The following TBC1D32 variants were observed in gnomAD, a reference collection of about 807,000 sequenced individuals.
TBC1D32 encodes the protein protein broad-minded.
In TBC1D32, 151 loss-of-function variants were observed where a neutral mutation model predicts 170.3. The observed-to-expected ratio is 0.89, with a 90% CI of 0.78 to 1.01. The LOEUF (loss-of-function observed/expected upper bound fraction) is 1.01. Among genes scored for constraint, TBC1D32 ranks in the 50% least tolerant of loss-of-function variants. TBC1D32 has a pLI of 0.00. For missense variants in TBC1D32, 1,464 were observed against 1,457.1 expected (o/e 1.00, Z -0.08); for synonymous variants, 498 against 488.0 (o/e 1.02, Z -0.27).
intron 24 of TBC1D32, among the ~76,000 whole-genome samples, chr6:121,157,558 G>A (rs528668958): frequency 6.6e-6 from 1 of 152,190 alleles, no homozygotes; most frequent in African/African-American, 2.4e-5. Flanking sequence ...GTTGGCAGTT[G>A]GTTGTTTTAT....
chr6:121,150,628 G>A (rs6569174), intron 24 of TBC1D32, among the ~76,000 whole-genome samples: 104,298 of 151,970 alleles, frequency 0.69, 41,066 homozygotes, highest in Non-Finnish European at 0.87. Flanking sequence ...GAATCCATCT[G>A]GTCCTGGGCT....
intron 24 of TBC1D32, among the ~76,000 whole-genome samples, chr6:121,155,391 T>A (rs1410721440): frequency 3.3e-5 from 5 of 152,128 alleles, no homozygotes; most frequent in Non-Finnish European, 5.9e-5. Context: ...ATTCCTAGGG[T>A]CCTTTTATTA....
chr6:121,089,412 AT>A (rs1410717822), intron 31 of TBC1D32, among the ~76,000 whole-genome samples: 5 of 152,166 alleles, frequency 3.3e-5, no homozygotes, highest in African/African-American at 1.2e-4. Flanking sequence ...GTACAGGAAA[AT>A]TTCAGACTCT....
At chr6:121,176,605 C>A (rs1052061936) in intron 22 of TBC1D32, among the ~76,000 whole-genome samples, 7 of 152,006 alleles carry the variant, frequency 4.6e-5, no homozygotes, top group Admixed American at 3.3e-4. Flanking sequence ...TGTTTTTCTC[C>A]CCCCACCCCC....
intron 24 of TBC1D32, among the ~76,000 whole-genome samples, chr6:121,147,445 A>C (rs2128230764): frequency 6.6e-6 from 1 of 152,084 alleles, no homozygotes; most frequent in Non-Finnish European, 1.5e-5. Flanking sequence ...AAAGTGTGTA[A>C]GTGTTCTCTT....
At chr6:121,257,352 G>A (rs930076734) in intron 15 of TBC1D32, among the ~76,000 whole-genome samples, 1 of 151,960 alleles carries the variant, frequency 6.6e-6, no homozygotes, top group South Asian at 2.1e-4. Context: ...AAGATCACTG[G>A]TCAGATGGTA....
chr6:121,289,437 C>T (rs568113911), intron 12 of TBC1D32, among the ~76,000 whole-genome samples: 2 of 152,304 alleles, frequency 1.3e-5, no homozygotes, highest in East Asian at 3.9e-4. Context: ...AGGAATCCAA[C>T]TTACGAGGGA....
intron 22 of TBC1D32, chr6:121,170,584 T>C: frequency 7.5e-7 from 1 of 1,335,646 alleles, no homozygotes; most frequent in Non-Finnish European, 9.8e-7. Flanking sequence ...AAAAGCATAA[T>C]TACATCCTTG....
At chr6:121,235,371 G>A (rs984219872) in intron 20 of TBC1D32, among the ~76,000 whole-genome samples, 1 of 152,158 alleles carries the variant, frequency 6.6e-6, no homozygotes, top group African/African-American at 2.4e-5. Context: ...CACCAGGAGG[G>A]GGCAGGGAGA....
intron 21 of TBC1D32, among the ~76,000 whole-genome samples, chr6:121,207,592 T>C (rs1583215794): frequency 6.6e-6 from 1 of 152,298 alleles, no homozygotes; most frequent in Non-Finnish European, 1.5e-5. Flanking sequence ...CTTCAGTTTC[T>C]AAACACCATA....
intron 24 of TBC1D32, among the ~76,000 whole-genome samples, chr6:121,143,780 C>T (rs1403133058): frequency 2.0e-5 from 3 of 151,954 alleles, no homozygotes; most frequent in Non-Finnish European, 4.4e-5. Flanking sequence ...CGGTATTTAA[C>T]CAGACACATA....
intron 22 of TBC1D32, among the ~76,000 whole-genome samples, chr6:121,189,518 T>G (rs1378350939): frequency 6.6e-6 from 1 of 151,400 alleles, no homozygotes; most frequent in Non-Finnish European, 1.5e-5. Context: ...ATATGTTATA[T>G]CTATATATTA....
rs1426430822 is a variant in TBC1D32 at position 121,112,538 on chromosome 6, A to G, written c.3291T>C (p.Ser1097=). The change falls in exon 29 of 32, where the codon TCT becomes TCC. Residue 1097 remains serine (S), a synonymous_variant. Transcript: ENST00000398212. ...GTAGCCTTGGCAACCAAAGAAAAGCAGAAGTCAGAAGCCTGGAGAATTGAT... is the reference window on the plus strand; with the variant it reads ...GTAGCCTTGGCAACCAAAGAAAAGCGGAAGTCAGAAGCCTGGAGAATTGAT... ...FLHQFSRLLT[S]AFLWLPRLHI... is the part of the protein sequence containing the mutation. The G allele has an allele frequency of 1.2e-6, 2 of 1,609,524 alleles. No homozygotes were observed. The highest frequency in any genetic ancestry group is 1.7e-6 in the Non-Finnish European group (2 of 1,177,328).
chr6:121,274,193 C>T (rs1455139902), intron 15 of TBC1D32, among the ~76,000 whole-genome samples: 4 of 151,826 alleles, frequency 2.6e-5, no homozygotes, highest in South Asian at 2.1e-4. Flanking sequence ...ATGAGCCAGG[C>T]GTGGTGGCAC....
intron 20 of TBC1D32, among the ~76,000 whole-genome samples, chr6:121,229,411 GT>G (rs1241125496): frequency 6.6e-6 from 1 of 152,000 alleles, no homozygotes; most frequent in Non-Finnish European, 1.5e-5. Flanking sequence ...GACCTGTAAA[GT>G]TTCCACCAGT....
chr6:121,270,782 A>G (rs1033127951), intron 15 of TBC1D32, among the ~76,000 whole-genome samples: 13 of 152,326 alleles, frequency 8.5e-5, no homozygotes, highest in South Asian at 8.3e-4. Context: ...TCATCCTGAT[A>G]CTAAAGCCTG....
intron 12 of TBC1D32, among the ~76,000 whole-genome samples, chr6:121,290,195 C>T (rs9401388): frequency 6.6e-6 from 1 of 151,972 alleles, no homozygotes; most frequent in Non-Finnish European, 1.5e-5. Flanking sequence ...AAGAAACTAC[C>T]ATCAGAGTCA....
intron 24 of TBC1D32, among the ~76,000 whole-genome samples, chr6:121,133,452 T>C (rs557253322): frequency 2.0e-5 from 3 of 152,048 alleles, no homozygotes; most frequent in African/African-American, 7.2e-5. Flanking sequence ...TATGCATGTA[T>C]ATGTGTGTAT....
At chr6:121,213,504 TA>T (rs1199210099) in intron 21 of TBC1D32, among the ~76,000 whole-genome samples, 1,428 of 10,114 alleles carry the variant, frequency 0.14, 71 homozygotes, top group African/African-American at 0.18. Flanking sequence ...TAAAATAAAA[TA>T]AAATAAAATA....
Sources: gnomAD v4.1 joint callset for allele counts (sites outside exome capture counted in the v4.1 genomes callset) on GRCh38, gnomAD v4.1.1 for gene constraint, MANE v1.5 for transcripts, NCBI Gene and HGNC (gene_info 2026-07-23, HGNC 2026-07-21) for gene names.